The following SRPRB variants were observed in gnomAD, a reference collection of about 807,000 sequenced individuals.
The protein encoded by SRPRB is SRP receptor subunit beta.
A neutral mutation model predicts 31.9 loss-of-function variants in SRPRB; 20 were observed. The observed-to-expected ratio is 0.63, with a 90% CI of 0.44 to 0.91. The LOEUF (loss-of-function observed/expected upper bound fraction) is 0.91, where lower values mean the gene tolerates loss of function less well. Ranked by LOEUF, SRPRB falls within the 40% of genes least tolerant of loss-of-function variation. The pLI, the probability that SRPRB is intolerant of heterozygous loss-of-function variation, is 0.00. For synonymous variants in SRPRB, 146 were observed against 132.8 expected (o/e 1.10, Z -0.68); for missense variants, 321 against 324.9 (o/e 0.99, Z 0.09).
intron 5 of SRPRB, 76 bp from the exon 6 acceptor site, chr3:133,816,802 T>C (rs1935373907): frequency 1.3e-5 from 15 of 1,172,724 alleles, no homozygotes; most frequent in Non-Finnish European, 1.7e-5. Flanking sequence ...AATAGGAATT[T>C]TCCTTCTGTG....
At chr3:133,786,892 G>A (rs891893614) in intron 1 of SRPRB, 87 of 152,308 alleles carry the variant, frequency 5.7e-4, no homozygotes, top group African/African-American at 1.9e-3. Context: ...TAAGTGTAGA[G>A]GTAGTAAAAT....
chr3:133,824,401 G>T (rs373331036), downstream of SRPRB: 11 of 152,324 alleles, frequency 7.2e-5, no homozygotes, highest in African/African-American at 2.6e-4. Flanking sequence ...TTAAAGGGAT[G>T]GGTGAGGGGA....
chr3:133,823,615 G>A (rs1375057954), downstream of SRPRB, among the ~76,000 whole-genome samples: 1 of 152,150 alleles, frequency 6.6e-6, no homozygotes, highest in Non-Finnish European at 1.5e-5. Context: ...GAGATTCCCG[G>A]GCAAGGGCAA....
upstream of SRPRB, chr3:133,805,806 G>A (rs1392843990): frequency 6.3e-7 from 1 of 1,574,866 alleles, no homozygotes; most frequent in Non-Finnish European, 8.6e-7. Context: ...CAGAGTGCAG[G>A]GCCACGTCGC....
Position 133,805,845 on chromosome 3 carries a change from A to T in SRPRB, c.-4A>T. 1 of 1,607,638 alleles carries T rather than the reference A, an allele frequency of 6.2e-7. No individual in the cohort carries two copies. The highest frequency in any genetic ancestry group is 8.5e-7 in the Non-Finnish European group (1 of 1,176,822). Reference sequence around the variant, plus strand: ...TGCTGTACCGGGGACCACGCGTCTCATCCATGGCTTCCGCGGACTCGCGCC... The same window carrying T: ...TGCTGTACCGGGGACCACGCGTCTCTTCCATGGCTTCCGCGGACTCGCGCC... On this transcript the variant is annotated 5_prime_UTR_variant, in exon 1 of 7. Coordinates refer to ENST00000678299, the MANE Select transcript of SRPRB (RefSeq NM_001379313.1).
intron 4 of SRPRB, among the ~76,000 whole-genome samples, chr3:133,814,395 T>C (rs951553564): frequency 1.3e-5 from 2 of 152,022 alleles, no homozygotes; most frequent in Non-Finnish European, 1.5e-5. Context: ...CTTCCCAAAG[T>C]GCTGGGATTA....
At chr3:133,818,715 T>C (rs1220879396) in intron 6 of SRPRB, among the ~76,000 whole-genome samples, 1 of 152,128 alleles carries the variant, frequency 6.6e-6, no homozygotes, top group East Asian at 1.9e-4. Flanking sequence ...CCCCTGTTTC[T>C]CCCCAAAAGC....
downstream of SRPRB, chr3:133,825,490 G>A (rs1265104382): frequency 6.6e-6 from 1 of 152,250 alleles, no homozygotes; most frequent in Admixed American, 6.5e-5. Context: ...ATAGCAAGGA[G>A]GCCTCTGACC....
At chr3:133,806,726 C>G (rs1935168523) in intron 2 of SRPRB, 23 bp downstream of exon 2, 1 of 1,571,486 alleles carries the variant, frequency 6.4e-7, no homozygotes. Flanking sequence ...ATTGACACCC[C>G]TGTTAAGCTT....
chr3:133,828,250 T>G (rs541944734), downstream of SRPRB: 8 of 500,532 alleles, frequency 1.6e-5, no homozygotes, highest in South Asian at 2.0e-4. Context: ...CAATGTTTGA[T>G]TTAACTGGAG....
intron 3 of SRPRB, among the ~76,000 whole-genome samples, chr3:133,808,304 G>T (rs1935199012): frequency 6.6e-6 from 1 of 151,262 alleles, no homozygotes; most frequent in African/African-American, 2.4e-5. Flanking sequence ...ATACAAACAT[G>T]TCTGTATATC....
upstream of SRPRB, among the ~76,000 whole-genome samples, chr3:133,805,151 G>T (rs767058713): frequency 2.6e-5 from 4 of 152,176 alleles, no homozygotes; most frequent in Non-Finnish European, 4.4e-5. Context: ...AACAGCCCCA[G>T]CTCTCCTGGG....
At chr3:133,791,128 A>G (rs1472738190) in intron 1 of SRPRB, 2 of 152,128 alleles carry the variant, frequency 1.3e-5, no homozygotes, top group African/African-American at 4.8e-5. Context: ...CATTTCTAGC[A>G]AGTCATCATT....
intron 6 of SRPRB, among the ~76,000 whole-genome samples, chr3:133,818,029 T>C (rs972461496): frequency 6.6e-6 from 1 of 152,216 alleles, no homozygotes; most frequent in Non-Finnish European, 1.5e-5. Flanking sequence ...CCTATGCCAT[T>C]TTCAGTGGTT....
At chr3:133,824,002 A>C (rs1156524671), downstream of SRPRB, among the ~76,000 whole-genome samples, 2 of 152,074 alleles carry the variant, frequency 1.3e-5, no homozygotes, top group Non-Finnish European at 2.9e-5. Flanking sequence ...CAGAATGGAG[A>C]TTAGGGGAAT....
rs1401780303 is a variant in SRPRB at position 133,821,475 on chromosome 3, A to C, written c.*1709A>C. On this transcript the variant is annotated 3_prime_UTR_variant, in exon 7 of 7. Coordinates refer to ENST00000678299, the MANE Select transcript of SRPRB (RefSeq NM_001379313.1). The stretch of plus-strand genomic sequence containing the variant: ...CATGGGAATAAAAGTCAGTGGCTTG[A>C]TGCTTCTGTTAGAGGCATGTGTCCC... The C allele has an allele frequency of 6.6e-6, 1 of 152,190 alleles. No homozygotes were observed. The highest frequency in any genetic ancestry group is 1.5e-5 in the Non-Finnish European group (1 of 68,038). The allele number at this position is 152,190 out of a possible 1,614,324, so 9.4% of individuals were successfully genotyped here. A position where few individuals can be genotyped will look rare whatever the true frequency, so the allele number is the denominator to read the frequency against.
At chr3:133,813,012 A>G (rs1425766163) in intron 4 of SRPRB, among the ~76,000 whole-genome samples, 1 of 151,818 alleles carries the variant, frequency 6.6e-6, no homozygotes, top group Non-Finnish European at 1.5e-5. Flanking sequence ...TTCATTTGTA[A>G]CTCTATTTGG....
intron 1 of SRPRB, chr3:133,784,447 C>A: frequency 7.2e-6 from 1 of 138,494 alleles, no homozygotes. Flanking sequence ...AATCACACAT[C>A]TTGTAAATTC....
intron 1 of SRPRB, among the ~76,000 whole-genome samples, chr3:133,799,620 G>A (rs111440472): frequency 0.013 from 1,991 of 152,020 alleles, 53 homozygotes; most frequent in African/African-American, 0.045. Context: ...AGTGGCTCTC[G>A]GGGAGAAGTT....
Sources: gnomAD v4.1 joint callset for allele counts (sites outside exome capture counted in the v4.1 genomes callset) on GRCh38, gnomAD v4.1.1 for gene constraint, MANE v1.5 for transcripts, NCBI Gene and HGNC (gene_info 2026-07-23, HGNC 2026-07-21) for gene names.